SUGCT: variants seen among roughly 807,000 people sequenced by gnomAD.
SUGCT encodes the protein succinyl-CoA:glutarate CoA-transferase.
A neutral mutation model predicts 55.0 loss-of-function variants in SUGCT; 41 were observed. The observed-to-expected ratio is 0.74, with a 90% CI of 0.58 to 0.97. The LOEUF is 0.97. Among genes scored for constraint, SUGCT ranks in the 50% least tolerant of loss-of-function variants. The pLI, the probability that SUGCT is intolerant of heterozygous loss-of-function variation, is 0.00. For missense variants in SUGCT, 568 were observed against 547.8 expected, an observed-to-expected ratio of 1.04 and a Z score of -0.37; for synonymous variants, 187 against 200.4, an observed-to-expected ratio of 0.93 and a Z score of 0.56.
At chr7:40,649,161 G>A (rs560799485) in intron 12 of SUGCT, among the ~76,000 whole-genome samples, 21 of 150,818 alleles carry the variant, frequency 1.4e-4, no homozygotes, top group African/African-American at 4.4e-4. Context: ...AAATCTGTAC[G>A]TTTTACTACC....
At chr7:40,518,871 T>C (rs1053776125) in intron 12 of SUGCT, among the ~76,000 whole-genome samples, 1 of 152,060 alleles carries the variant, frequency 6.6e-6, no homozygotes, top group Admixed American at 6.6e-5. Flanking sequence ...CCAGAATTAT[T>C]TGAGTTACAA....
chr7:40,506,685 T>A (rs142050199), intron 12 of SUGCT, among the ~76,000 whole-genome samples: 2 of 152,296 alleles, frequency 1.3e-5, no homozygotes, highest in Non-Finnish European at 2.9e-5. Flanking sequence ...TTTATTATGT[T>A]TCATATTTCT....
the SUGCT span, among the ~76,000 whole-genome samples, chr7:40,969,119 G>C: frequency 3.3e-5 from 5 of 152,344 alleles, no homozygotes; most frequent in South Asian, 1.0e-3. Flanking sequence ...TTAAGAGATA[G>C]TTCTTTAAAC....
chr7:40,906,754 C>T, the SUGCT span, among the ~76,000 whole-genome samples: 1 of 152,112 alleles, frequency 6.6e-6, no homozygotes, highest in Non-Finnish European at 1.5e-5. Context: ...GAACCGATAT[C>T]CCATGGATAC....
intron 12 of SUGCT, among the ~76,000 whole-genome samples, chr7:40,682,210 G>A (rs1784280067): frequency 6.6e-6 from 1 of 152,144 alleles, no homozygotes; most frequent in Admixed American, 6.5e-5. Flanking sequence ...ATCTCAGCCT[G>A]GAAAGGGCAT....
chr7:40,946,612 C>A, the SUGCT span, among the ~76,000 whole-genome samples: 12 of 152,184 alleles, frequency 7.9e-5, no homozygotes, highest in South Asian at 2.3e-3. Flanking sequence ...TAAAGTATGT[C>A]TTTTAGGGCA....
the SUGCT span, among the ~76,000 whole-genome samples, chr7:40,985,918 A>C: frequency 1.3e-5 from 2 of 152,224 alleles, no homozygotes; most frequent in African/African-American, 4.8e-5. Context: ...CTTTAAACAA[A>C]AAATGAAAGC....
At chr7:40,711,399 G>T (rs1207853169) in intron 12 of SUGCT, among the ~76,000 whole-genome samples, 3 of 151,988 alleles carry the variant, frequency 2.0e-5, no homozygotes, top group Non-Finnish European at 4.4e-5. Flanking sequence ...AGTCCCAGCT[G>T]CTTGGGAGGC....
At chr7:40,531,305 G>A (rs989775715) in intron 12 of SUGCT, among the ~76,000 whole-genome samples, 7 of 152,122 alleles carry the variant, frequency 4.6e-5, no homozygotes, top group Admixed American at 3.9e-4. Context: ...TTACCCATGA[G>A]GAAACAGCCT....
intron 1 of SUGCT, 33 bp downstream of exon 1, chr7:40,135,153 G>A: frequency 2.6e-6 from 4 of 1,520,220 alleles, no homozygotes; most frequent in Non-Finnish European, 3.5e-6. Flanking sequence ...GGTGGCTAAA[G>A]GGATCCCTGC....
the SUGCT span, among the ~76,000 whole-genome samples, chr7:41,013,070 A>C: frequency 6.6e-6 from 1 of 151,356 alleles, no homozygotes; most frequent in African/African-American, 2.4e-5. Flanking sequence ...ATATGCATAT[A>C]CAATTTTTTA....
intron 6 of SUGCT, among the ~76,000 whole-genome samples, chr7:40,197,936 A>G (rs1350548393): frequency 2.0e-5 from 3 of 152,208 alleles, no homozygotes; most frequent in Non-Finnish European, 2.9e-5. Context: ...CCTTGACTTA[A>G]TGATTGGAGA....
chr7:41,008,571 A>T, the SUGCT span, among the ~76,000 whole-genome samples: 9 of 152,022 alleles, frequency 5.9e-5, no homozygotes, highest in African/African-American at 9.7e-5. Flanking sequence ...AGCAGGCCAC[A>T]GCTTGCGTGT....
intron 5 of SUGCT, among the ~76,000 whole-genome samples, chr7:40,191,002 G>A (rs777435589): frequency 6.6e-5 from 10 of 152,236 alleles, no homozygotes; most frequent in Non-Finnish European, 1.2e-4. Flanking sequence ...GGGCTATTTG[G>A]TTAGAGAACC....
rs543635031 is a variant in SUGCT, at chr7:40,836,760, A to T, written c.1154-23556A>T. On this transcript the variant is annotated intron_variant, in intron 13 of 13. Transcript: ENST00000335693. The stretch of plus-strand genomic sequence containing the variant: ...ACTTAGCATAATTTCCTTGAGATTC[A>T]TCCAAGTTGTTGCTTGTGTCAATAG... Among the ~76,000 whole-genome samples, 8 of 152,338 alleles carry T rather than the reference A, an allele frequency of 5.3e-5. No homozygotes were observed. In the East Asian group the frequency reaches 1.5e-3, roughly 29 times the overall value.
At chr7:40,805,618 G>C (rs999803614) in intron 13 of SUGCT, among the ~76,000 whole-genome samples, 1 of 152,308 alleles carries the variant, frequency 6.6e-6, no homozygotes, top group South Asian at 2.1e-4. Context: ...CTGTTTCACT[G>C]TCTGGAAGCC....
At chr7:40,574,444 T>A (rs1001762439) in intron 12 of SUGCT, among the ~76,000 whole-genome samples, 2 of 152,112 alleles carry the variant, frequency 1.3e-5, no homozygotes, top group African/African-American at 4.8e-5. Context: ...GTTGTTGTTG[T>A]TGTTTGAGCC....
At chr7:40,295,413 T>C (rs553506747) in intron 8 of SUGCT, among the ~76,000 whole-genome samples, 1 of 152,114 alleles carries the variant, frequency 6.6e-6, no homozygotes, top group Admixed American at 6.6e-5. Flanking sequence ...CCATCTCTAC[T>C]AAAAATACAA....
the SUGCT span, among the ~76,000 whole-genome samples, chr7:40,898,479 T>TG: frequency 1.9e-5 from 1 of 53,028 alleles, no homozygotes; most frequent in East Asian, 7.7e-4. Context: ...CTCCGGGAGG[T>TG]CGGGGGGGGG....
Sources: allele counts gnomAD v4.1 joint callset (sites outside exome capture counted in the v4.1 genomes callset), GRCh38; gene constraint gnomAD v4.1.1; transcripts MANE v1.5; gene names NCBI Gene and HGNC (gene_info 2026-07-23, HGNC 2026-07-21).